Variants in SLC30A9 observed in about 807,000 individuals in gnomAD.
The protein encoded by SLC30A9 is solute carrier family 30 member 9.
A neutral mutation model predicts 87.5 loss-of-function variants in SLC30A9; 58 were observed. The observed-to-expected ratio is 0.66, with a 90% confidence interval of 0.54 to 0.82. The LOEUF is 0.82. Among genes scored for constraint, SLC30A9 ranks in the 40% least tolerant of loss-of-function variants. The probability of loss-of-function intolerance (pLI) is 0.00; values close to 1 mark genes in which losing one functional copy is unlikely to be tolerated. For synonymous variants in SLC30A9, 234 were observed against 233.0 expected, an observed-to-expected ratio of 1.00 and a Z score of -0.04; for missense variants, 557 against 679.1, an observed-to-expected ratio of 0.82 and a Z score of 2.00.
chr4:42,061,921 G>A (rs939939211), intron 10 of SLC30A9, among the ~76,000 whole-genome samples: 4 of 150,194 alleles, frequency 2.7e-5, no homozygotes, highest in African/African-American at 4.9e-5. Flanking sequence ...AATGTCGGGC[G>A]CGGTGGCCCA....
At chr4:42,053,238 A>G (rs1717456422) in intron 9 of SLC30A9, among the ~76,000 whole-genome samples, 1 of 152,218 alleles carries the variant, frequency 6.6e-6, no homozygotes, top group African/African-American at 2.4e-5. Flanking sequence ...TGGAGCAGCC[A>G]GATCTCCCAG....
At chr4:42,033,923 G>C (rs1235921854) in intron 6 of SLC30A9, among the ~76,000 whole-genome samples, 2 of 152,144 alleles carry the variant, frequency 1.3e-5, no homozygotes, top group Non-Finnish European at 2.9e-5. Flanking sequence ...TGCTATAGCG[G>C]TAAATAGAGA....
chr4:42,072,032 G>A (rs1718333729), intron 15 of SLC30A9, among the ~76,000 whole-genome samples: 1 of 152,102 alleles, frequency 6.6e-6, no homozygotes, highest in Admixed American at 6.6e-5. Context: ...CTAGGAATTT[G>A]TCTTTTACTT....
At chr4:42,056,922 C>CA (rs2153139311) in intron 9 of SLC30A9, among the ~76,000 whole-genome samples, 1 of 152,294 alleles carries the variant, frequency 6.6e-6, no homozygotes, top group East Asian at 1.9e-4. Context: ...AAAGGGGCTA[C>CA]AGGCCCCATG....
intron 1 of SLC30A9, among the ~76,000 whole-genome samples, chr4:41,998,524 C>T (rs1055639110): frequency 2.7e-5 from 4 of 149,950 alleles, no homozygotes; most frequent in Admixed American, 6.7e-5. Flanking sequence ...AATGCAATGG[C>T]GCGATCTTGG....
At chr4:42,042,834 G>C (rs964927670) in intron 8 of SLC30A9, among the ~76,000 whole-genome samples, 4 of 152,148 alleles carry the variant, frequency 2.6e-5, no homozygotes, top group Non-Finnish European at 4.4e-5. Context: ...AGCTCCAGCT[G>C]ACATCTGGCA....
At chr4:41,993,732 A>C (rs1023130028) in intron 1 of SLC30A9, among the ~76,000 whole-genome samples, 5 of 152,248 alleles carry the variant, frequency 3.3e-5, no homozygotes, top group Non-Finnish European at 5.9e-5. Context: ...ATCAAAATAC[A>C]TATTAAAATG....
intron 15 of SLC30A9, among the ~76,000 whole-genome samples, chr4:42,072,647 G>T (rs1275030516): frequency 6.6e-6 from 1 of 151,972 alleles, no homozygotes; most frequent in Non-Finnish European, 1.5e-5. Context: ...ATTTACCAAG[G>T]TTTGTTTTAT....
intron 9 of SLC30A9, among the ~76,000 whole-genome samples, chr4:42,051,167 T>C (rs904035842): frequency 1.3e-5 from 2 of 152,142 alleles, no homozygotes; most frequent in Admixed American, 1.3e-4. Flanking sequence ...TCGAGGCCAA[T>C]GGAAGGCTCA....
chr4:42,021,765 T>C (rs1715957725), intron 4 of SLC30A9, among the ~76,000 whole-genome samples: 1 of 152,092 alleles, frequency 6.6e-6, no homozygotes, highest in Admixed American at 6.5e-5. Flanking sequence ...TTTGTTTTTT[T>C]TTGAGACAGG....
intron 1 of SLC30A9, among the ~76,000 whole-genome samples, chr4:41,993,164 AAATTTATATATTTT>A (rs1714528643): frequency 6.6e-6 from 1 of 150,552 alleles, no homozygotes; most frequent in African/African-American, 2.4e-5. Context: ...TTTAATAACG[AAATTTATATATTTT>A]AATAATAAAA....
intron 16 of SLC30A9, among the ~76,000 whole-genome samples, chr4:42,076,275 C>T (rs900813263): frequency 3.3e-5 from 5 of 152,050 alleles, no homozygotes; most frequent in Non-Finnish European, 7.4e-5. Context: ...TAACATTTTG[C>T]TATAGTGTAT....
intron 17 of SLC30A9, among the ~76,000 whole-genome samples, chr4:42,081,478 G>A (rs914008265): frequency 6.6e-6 from 1 of 152,186 alleles, no homozygotes; most frequent in Admixed American, 6.5e-5. Flanking sequence ...CAGTTACTGT[G>A]AAAATAGTTG....
In SLC30A9 at chr4:42,072,684, T is replaced by C. The variant is rs545315131; in HGVS notation, c.1418+1993T>C. Among the ~76,000 whole-genome samples the C allele has an allele frequency of 3.3e-5, 5 of 152,284 alleles. No homozygotes were observed. The South Asian group carries it at 8.3e-4, about 25-fold the overall frequency. ...GCCTTACATATAGTCTTGGATAATATTCATGTGCACTTGAGAAGAATGTAT... is the reference window on the plus strand; with the variant it reads ...GCCTTACATATAGTCTTGGATAATACTCATGTGCACTTGAGAAGAATGTAT... On this transcript the variant is annotated intron_variant, in intron 15 of 17. Transcript: ENST00000264451.
At chr4:42,019,417 G>A (rs751327823) in intron 3 of SLC30A9, among the ~76,000 whole-genome samples, 7 of 152,020 alleles carry the variant, frequency 4.6e-5, no homozygotes, top group Non-Finnish European at 8.8e-5. Flanking sequence ...TATTGGTGTC[G>A]CTGGCCTTTT....
At position 42,065,401 on chromosome 4, in the gene SLC30A9, C is replaced by T. The variant is rs750462083; in HGVS notation, c.1072+52C>T. ...TATTCTTAATTTAGTAATATATATT[C>T]AGCTGTCCATTATTATAGTTTGCTA... On this transcript the variant is annotated intron_variant, in intron 12 of 17. Transcript: ENST00000264451. 4.2e-6 allele frequency: 4 copies of T among 955,844 alleles called. No homozygotes were observed. The East Asian group carries it at 9.6e-5, about 23-fold the overall frequency. 59.2% of individuals were successfully genotyped at this position (955,844 alleles called of 1,614,324 possible). A position where few individuals can be genotyped will look rare whatever the true frequency, so the allele number is the denominator to read the frequency against.
At chr4:42,047,460 C>T (rs1281001889) in intron 8 of SLC30A9, among the ~76,000 whole-genome samples, 2 of 152,156 alleles carry the variant, frequency 1.3e-5, no homozygotes, top group Non-Finnish European at 2.9e-5. Flanking sequence ...TTTATGCAGC[C>T]AACAAACATA....
At chr4:41,994,415 AT>A (rs1714602639) in intron 1 of SLC30A9, among the ~76,000 whole-genome samples, 1 of 151,774 alleles carries the variant, frequency 6.6e-6, no homozygotes, top group Non-Finnish European at 1.5e-5. Context: ...TAGAGCACAT[AT>A]TTCTTTTTTT....
At chr4:42,042,478 C>A (rs191727143) in intron 8 of SLC30A9, among the ~76,000 whole-genome samples, 2 of 152,284 alleles carry the variant, frequency 1.3e-5, no homozygotes, top group East Asian at 3.9e-4. Flanking sequence ...TGGACAGAAC[C>A]CACCGTAGCT....
Sources: allele counts gnomAD v4.1 joint callset (sites outside exome capture counted in the v4.1 genomes callset), GRCh38; gene constraint gnomAD v4.1.1; transcripts MANE v1.5; gene names NCBI Gene and HGNC (gene_info 2026-07-23, HGNC 2026-07-21).